The following PPM1E variants were observed in gnomAD, a reference collection of about 807,000 sequenced individuals.
The protein encoded by PPM1E is protein phosphatase, Mg2+/Mn2+ dependent 1E.
In PPM1E, 20 loss-of-function variants were observed where a neutral mutation model predicts 65.9. The observed-to-expected ratio is 0.30, with a 90% CI of 0.21 to 0.44. The LOEUF (loss-of-function observed/expected upper bound fraction) is 0.44. Ranked by LOEUF, PPM1E falls within the 20% of genes least tolerant of loss-of-function variation. The pLI, the probability that PPM1E is intolerant of heterozygous loss-of-function variation, is 1.00. For synonymous variants in PPM1E, 352 were observed against 374.9 expected (o/e 0.94, Z 0.70); for missense variants, 713 against 953.1 (o/e 0.75, Z 3.32).
At chr17:58,879,169 G>A (rs1203000633) in intron 1 of PPM1E, among the ~76,000 whole-genome samples, 2 of 151,862 alleles carry the variant, frequency 1.3e-5, no homozygotes, top group Non-Finnish European at 2.9e-5. Flanking sequence ...CATAGTCTAT[G>A]TCACAAAATG....
At chr17:58,816,845 G>A (rs1195243356) in intron 1 of PPM1E, among the ~76,000 whole-genome samples, 2 of 137,800 alleles carry the variant, frequency 1.5e-5, no homozygotes, top group African/African-American at 5.4e-5. Context: ...AGCCAGGTTG[G>A]AGTGCAGTGG....
At chr17:58,958,711 T>C (rs2143652651) in intron 2 of PPM1E, among the ~76,000 whole-genome samples, 2 of 151,966 alleles carry the variant, frequency 1.3e-5, no homozygotes, top group African/African-American at 4.8e-5. Context: ...ATGGAGTAGG[T>C]GACTCTACAA....
rs2050422407 is a variant in PPM1E, at chr17:58,816,765, TATATATATATATATATATATATATATA to T, written c.464+60305_464+60331del. On this transcript the variant is annotated intron_variant, in intron 1 of 6. Coordinates refer to ENST00000308249, the MANE Select transcript of PPM1E (RefSeq NM_014906.5). ...AAATATATATATATATATATATATA[TATATATATATATATATATATATATATA>T]TATTTTTTTTTTTTTTTTTTTGAGA... Among the ~76,000 whole-genome samples, 3 of 13,522 alleles carry T rather than the reference TATATATATATATATATATATATATATA, an allele frequency of 2.2e-4. 1 individual carries two copies. The highest frequency in any genetic ancestry group is 8.8e-4 in the African/African-American group (3 of 3,402). The allele number at this position is 13,522 out of a possible 152,430, so 8.9% of individuals were successfully genotyped here. A position where few individuals can be genotyped will look rare whatever the true frequency, so the allele number is the denominator to read the frequency against.
At chr17:58,757,463 A>C (rs1339923476) in intron 1 of PPM1E, among the ~76,000 whole-genome samples, 1 of 152,226 alleles carries the variant, frequency 6.6e-6, no homozygotes, top group African/African-American at 2.4e-5. Context: ...AATACTAGTA[A>C]GTCTCTGAAA....
At chr17:58,859,397 A>G (rs2050915886) in intron 1 of PPM1E, among the ~76,000 whole-genome samples, 1 of 152,224 alleles carries the variant, frequency 6.6e-6, no homozygotes, top group Non-Finnish European at 1.5e-5. Flanking sequence ...AGTTTAAATT[A>G]TTTGCATTTT....
chr17:58,947,802 G>A (rs1457643605), intron 1 of PPM1E, among the ~76,000 whole-genome samples: 1 of 152,100 alleles, frequency 6.6e-6, no homozygotes, highest in Non-Finnish European at 1.5e-5. Context: ...AATTAAAACT[G>A]GGTAAAGCAA....
intron 1 of PPM1E, among the ~76,000 whole-genome samples, chr17:58,848,810 C>T (rs184707897): frequency 4.5e-4 from 68 of 152,324 alleles, no homozygotes; most frequent in Admixed American, 5.9e-4. Context: ...GGAGGATTCC[C>T]TCTTTTTCTA....
intron 2 of PPM1E, among the ~76,000 whole-genome samples, chr17:58,965,057 A>G (rs1347331317): frequency 6.6e-6 from 1 of 151,864 alleles, no homozygotes; most frequent in Non-Finnish European, 1.5e-5. Context: ...ATTAAAAAAA[A>G]AAAAAAGTAT....
chr17:58,912,183 G>A (rs2051635513), intron 1 of PPM1E, among the ~76,000 whole-genome samples: 1 of 152,182 alleles, frequency 6.6e-6, no homozygotes, highest in Non-Finnish European at 1.5e-5. Context: ...GGTATGTTCG[G>A]ATATGTCTGG....
At chr17:58,978,291 C>T (rs1207846960) in intron 6 of PPM1E, among the ~76,000 whole-genome samples, 1 of 152,140 alleles carries the variant, frequency 6.6e-6, no homozygotes, top group East Asian at 1.9e-4. Flanking sequence ...CAGTAAAGCC[C>T]TTTGTAAATA....
At chr17:58,976,991 T>A (rs942321081) in intron 6 of PPM1E, among the ~76,000 whole-genome samples, 1 of 152,212 alleles carries the variant, frequency 6.6e-6, no homozygotes, top group East Asian at 1.9e-4. Context: ...GGATTTTATT[T>A]ATTATTTATT....
chr17:58,901,101 A>G (rs1202895283), intron 1 of PPM1E, among the ~76,000 whole-genome samples: 1 of 152,196 alleles, frequency 6.6e-6, no homozygotes, highest in Non-Finnish European at 1.5e-5. Flanking sequence ...CCACAGCATG[A>G]TGCTTTACAC....
intron 3 of PPM1E, among the ~76,000 whole-genome samples, chr17:58,968,659 C>T (rs1335643232): frequency 2.0e-5 from 3 of 152,138 alleles, no homozygotes; most frequent in African/African-American, 7.2e-5. Flanking sequence ...GAAGGGAGCT[C>T]AGGACTCAGT....
intron 1 of PPM1E, among the ~76,000 whole-genome samples, chr17:58,766,024 G>A (rs1052966099): frequency 2.0e-5 from 3 of 149,234 alleles, no homozygotes; most frequent in African/African-American, 7.4e-5. Context: ...GGGATTATAG[G>A]TGTGCACTAC....
intron 1 of PPM1E, among the ~76,000 whole-genome samples, chr17:58,922,423 T>G (rs2051764480): frequency 6.6e-6 from 1 of 151,946 alleles, no homozygotes; most frequent in African/African-American, 2.4e-5. Context: ...TGGCTAATTT[T>G]TGTATTTTTT....
At chr17:58,800,810 T>C (rs917602861) in intron 1 of PPM1E, among the ~76,000 whole-genome samples, 3 of 152,182 alleles carry the variant, frequency 2.0e-5, no homozygotes, top group Non-Finnish European at 4.4e-5. Context: ...TTCTTTTTCT[T>C]GACCTGTCTA....
chr17:58,855,744 T>C (rs892227880), intron 1 of PPM1E, among the ~76,000 whole-genome samples: 1 of 152,212 alleles, frequency 6.6e-6, no homozygotes, highest in Non-Finnish European at 1.5e-5. Flanking sequence ...TTCATAATAG[T>C]AACAAACCAT....
chr17:58,924,676 G>A (rs564795628), intron 1 of PPM1E, among the ~76,000 whole-genome samples: 3 of 152,076 alleles, frequency 2.0e-5, no homozygotes, highest in Admixed American at 2.0e-4. Flanking sequence ...CCTCATCTAG[G>A]TTTTAAGCCC....
intron 1 of PPM1E, among the ~76,000 whole-genome samples, chr17:58,921,613 G>A (rs1428160491): frequency 1.3e-5 from 2 of 151,368 alleles, no homozygotes; most frequent in African/African-American, 2.4e-5. Flanking sequence ...GCAGTGAGCC[G>A]TGATCGTGCC....
Sources: allele counts gnomAD v4.1 joint callset (sites outside exome capture counted in the v4.1 genomes callset), GRCh38; gene constraint gnomAD v4.1.1; transcripts MANE v1.5; gene names NCBI Gene and HGNC (gene_info 2026-07-23, HGNC 2026-07-21).